DTNB: variants seen among roughly 807,000 people sequenced by gnomAD.
DTNB encodes the protein DTN-B.
In DTNB, 63 loss-of-function variants were observed where a neutral mutation model predicts 90.7. The observed-to-expected ratio is 0.69, with a 90% confidence interval of 0.57 to 0.86. The LOEUF is 0.86. Among genes scored for constraint, DTNB ranks in the 40% least tolerant of loss-of-function variants. DTNB has a pLI of 0.00. For missense variants in DTNB, 744 were observed against 807.1 expected (o/e 0.92, Z 0.95); for synonymous variants, 277 against 286.7 (o/e 0.97, Z 0.34).
At chr2:25,519,030 T>C (rs1264530126) in intron 9 of DTNB, among the ~76,000 whole-genome samples, 1 of 152,164 alleles carries the variant, frequency 6.6e-6, no homozygotes, top group African/African-American at 2.4e-5. Flanking sequence ...AATGGCCCAC[T>C]GGTAAGCAAA....
chr2:25,638,746 TAAAAGTGAC>T (rs1396438469), intron 3 of DTNB, among the ~76,000 whole-genome samples: 1 of 152,206 alleles, frequency 6.6e-6, no homozygotes, highest in African/African-American at 2.4e-5. Context: ...ATTTCCTTAA[TAAAAGTGAC>T]AGAGAAATCC....
At chr2:25,506,943 C>CA (rs2072600388) in intron 9 of DTNB, among the ~76,000 whole-genome samples, 2 of 151,878 alleles carry the variant, frequency 1.3e-5, no homozygotes, top group Non-Finnish European at 2.9e-5. Context: ...TCAAAGAATA[C>CA]AAAAAAGTCT....
intron 2 of DTNB, chr2:25,639,324 C>T (rs1473652644): frequency 1.9e-5 from 7 of 376,464 alleles, no homozygotes; most frequent in East Asian, 1.2e-4. Context: ...GTCTGCTCAT[C>T]GGAGAAAACT....
intron 9 of DTNB, among the ~76,000 whole-genome samples, chr2:25,506,821 T>C (rs67442259): frequency 0.092 from 14,040 of 152,240 alleles, 942 homozygotes; most frequent in Middle Eastern, 0.15. Context: ...AGCACAATTT[T>C]TTAGGAAAAT....
At position 25,606,134 on chromosome 2, in the gene DTNB, T is replaced by G. The variant is rs77674817; in HGVS notation, c.448+1102A>C. 9.9e-4 allele frequency among the ~76,000 whole-genome samples: 150 copies of G among 152,206 alleles called. 4 individuals are homozygous for G. In the East Asian group the frequency reaches 0.027, roughly 27 times the overall value. On this transcript the variant is annotated intron_variant, in intron 5 of 20. Transcript: ENST00000406818. ...AAACAAATACACCTATGAAGTAATC[T>G]TGCCGAAAAACTTGTATTAATACTT...
intron 4 of DTNB, among the ~76,000 whole-genome samples, chr2:25,617,637 A>C (rs1268849181): frequency 6.6e-6 from 1 of 152,234 alleles, no homozygotes; most frequent in East Asian, 1.9e-4. Context: ...TCACGCCTGC[A>C]ATCCCAGCAC....
intron 16 of DTNB, among the ~76,000 whole-genome samples, chr2:25,416,783 TGGAAGGAAGGAAGGAAGGAACGAA>T (rs1244398659): frequency 2.0e-4 from 24 of 117,946 alleles, no homozygotes; most frequent in Non-Finnish European, 3.3e-4. Flanking sequence ...AGCCAGAACC[TGGAAGGAAGGAAGGAAGGAACGAA>T]GGAAGGAAGG....
At chr2:25,494,624 C>CTTTGCTTAGATCTCAT (rs1249550563) in intron 9 of DTNB, among the ~76,000 whole-genome samples, 14 of 152,278 alleles carry the variant, frequency 9.2e-5, no homozygotes, top group Middle Eastern at 3.4e-3. Context: ...TTACTGTTAC[C>CTTTGCTTAGATCTCAT]TTTGCTTAGA....
chr2:25,599,557 G>C (rs957156101), intron 5 of DTNB, among the ~76,000 whole-genome samples: 1 of 151,890 alleles, frequency 6.6e-6, no homozygotes, highest in Non-Finnish European at 1.5e-5. Flanking sequence ...TAGCCAGGAT[G>C]GTCTCAATCT....
At chr2:25,624,739 T>G (rs1029282455) in intron 4 of DTNB, among the ~76,000 whole-genome samples, 5 of 152,230 alleles carry the variant, frequency 3.3e-5, no homozygotes, top group Admixed American at 3.3e-4. Context: ...CTCTATCTCA[T>G]GCTGGGAATT....
At chr2:25,526,395 A>ATATATATATTTTTTTTTTT in intron 9 of DTNB, among the ~76,000 whole-genome samples, 3 of 49,824 alleles carry the variant, frequency 6.0e-5, no homozygotes, top group African/African-American at 2.9e-4. Context: ...ATATATATAT[A>ATATATATATTTTTTTTTTT]TTTTTTTTTT....
chr2:25,639,277 T>G (rs562773131), intron 2 of DTNB, 183 bp from the exon 3 acceptor site: 1 of 516,054 alleles, frequency 1.9e-6, no homozygotes, highest in East Asian at 3.0e-5. Context: ...ATCTCCAGTA[T>G]GTGCAGGAAC....
intron 4 of DTNB, among the ~76,000 whole-genome samples, chr2:25,619,809 A>C: frequency 6.6e-6 from 1 of 152,156 alleles, no homozygotes; most frequent in East Asian, 1.9e-4. Flanking sequence ...TGAGAGGCCG[A>C]GGTGGGCAGA....
At chr2:25,516,743 AGCTG>A (rs1431108483) in intron 9 of DTNB, among the ~76,000 whole-genome samples, 2 of 151,786 alleles carry the variant, frequency 1.3e-5, no homozygotes, top group African/African-American at 4.8e-5. Context: ...TACAAAAATT[AGCTG>A]GGCGTGGTGG....
Position 25,651,987 on chromosome 2 carries a change from G to A in DTNB, c.67+607C>T, listed in dbSNP as rs1249594528. On this transcript the variant is annotated intron_variant, in intron 2 of 20. Transcript: ENST00000406818. The stretch of plus-strand genomic sequence containing the variant: ...GGTCCAGCAAATGCAACCTTGAGTT[G>A]GTCAAGGTCACATGGTCATGGTCAC... Among the ~76,000 whole-genome samples the A allele has an allele frequency of 2.0e-5, 3 of 152,176 alleles. No individual in the cohort carries two copies. The East Asian group carries it at 5.8e-4, about 29-fold the overall frequency.
intron 8 of DTNB, chr2:25,558,288 TAA>T: frequency 1.0e-6 from 1 of 985,400 alleles, no homozygotes; most frequent in Non-Finnish European, 1.2e-6. Context: ...TAATCACTGA[TAA>T]ATTTGAGTTA....
chr2:25,516,910 G>C (rs1406713659), intron 9 of DTNB, among the ~76,000 whole-genome samples: 1 of 152,026 alleles, frequency 6.6e-6, no homozygotes, highest in Non-Finnish European at 1.5e-5. Flanking sequence ...AAATAAAAAA[G>C]TTAAATATAT....
intron 10 of DTNB, among the ~76,000 whole-genome samples, chr2:25,478,126 C>T (rs2064117372): frequency 6.6e-6 from 1 of 151,802 alleles, no homozygotes; most frequent in African/African-American, 2.4e-5. Context: ...TTCCTTTTCC[C>T]TAAGTCTCTA....
intron 19 of DTNB, among the ~76,000 whole-genome samples, chr2:25,381,705 T>C (rs1208617864): frequency 6.6e-6 from 1 of 152,204 alleles, no homozygotes; most frequent in African/African-American, 2.4e-5. Context: ...CCGTGCCACA[T>C]ATGTCATTCT....
Sources: gnomAD v4.1 joint callset for allele counts (sites outside exome capture counted in the v4.1 genomes callset) on GRCh38, gnomAD v4.1.1 for gene constraint, MANE v1.5 for transcripts, NCBI Gene and HGNC (gene_info 2026-07-23, HGNC 2026-07-21) for gene names.